The following MAGI1 variants were observed in gnomAD, a reference collection of about 807,000 sequenced individuals.
MAGI1 encodes membrane associated guanylate kinase, WW and PDZ domain containing 1, also known as membrane-associated guanylate kinase, WW and PDZ domain-containing protein 1.
A neutral mutation model predicts 139.9 loss-of-function variants in MAGI1; 58 were observed. The ratio of observed to expected loss-of-function variants is 0.41; its 90% confidence interval spans 0.34 to 0.52. The LOEUF (loss-of-function observed/expected upper bound fraction) is 0.52. Ranked by LOEUF, MAGI1 falls within the 20% of genes least tolerant of loss-of-function variation. The pLI, the probability that MAGI1 is intolerant of heterozygous loss-of-function variation, is 0.12. For synonymous variants in MAGI1, 812 were observed against 737.9 expected, an observed-to-expected ratio of 1.10 and a Z score of -1.63; for missense variants, 1,874 against 1,901.6, an observed-to-expected ratio of 0.99 and a Z score of 0.27.
intron 2 of MAGI1, among the ~76,000 whole-genome samples, chr3:65,604,340 T>C (rs58690207): frequency 0.26 from 39,929 of 152,050 alleles, 5,282 homozygotes; most frequent in South Asian, 0.31. Context: ...TGATGTTTAG[T>C]TATATATTGA....
At chr3:65,489,110 G>C (rs190225361) in intron 3 of MAGI1, among the ~76,000 whole-genome samples, 2 of 152,224 alleles carry the variant, frequency 1.3e-5, no homozygotes, top group East Asian at 3.9e-4. Flanking sequence ...TGGCATTTCT[G>C]GGCCTCATAC....
At chr3:65,409,947 A>C (rs1040910278) in intron 12 of MAGI1, among the ~76,000 whole-genome samples, 2 of 152,254 alleles carry the variant, frequency 1.3e-5, no homozygotes, top group Non-Finnish European at 2.9e-5. Flanking sequence ...TGCTTCAATT[A>C]CACAGTACAC....
intron 2 of MAGI1, among the ~76,000 whole-genome samples, chr3:65,581,883 T>C (rs2081440634): frequency 6.6e-6 from 1 of 152,142 alleles, no homozygotes; most frequent in African/African-American, 2.4e-5. Flanking sequence ...AACAACAATT[T>C]TCCTTCCAAT....
Position 65,379,346 on chromosome 3 carries a change from G to A in MAGI1, c.2910C>T (p.Asp970=), listed in dbSNP as rs752133128. 3.9e-5 allele frequency: 63 copies of A among 1,613,196 alleles called. No homozygotes were observed. The highest frequency in any genetic ancestry group is 4.7e-5 in the Non-Finnish European group (55 of 1,179,652). ...CGTTCTCCCCGCGCCGGATCTCCAC[G>A]TCGTAGGGCTGCACCACGGTGCTGA... ...GVVSTVVQPY[D]VEIRRGENEG... The change falls in exon 17 of 23, where the codon GAC becomes GAT. Residue 970 remains aspartate, a synonymous_variant. Transcript: ENST00000402939.
chr3:65,499,060 T>TAAAA, intron 2 of MAGI1: 16 of 859,578 alleles, frequency 1.9e-5, no homozygotes, highest in Non-Finnish European at 2.2e-5. Context: ...AAACCGCTCT[T>TAAAA]AAAAAAAAAA....
At chr3:65,365,260 GA>G (rs1412591716) in intron 18 of MAGI1, 6 of 534,264 alleles carry the variant, frequency 1.1e-5, no homozygotes, top group Admixed American at 2.1e-5. Flanking sequence ...CCCTGCCACT[GA>G]AAAAAGGCAG....
intron 2 of MAGI1, among the ~76,000 whole-genome samples, chr3:65,514,325 A>C (rs1332014902): frequency 1.0e-5 from 1 of 97,448 alleles, no homozygotes; most frequent in Non-Finnish European, 2.1e-5. Context: ...AATTAAACTA[A>C]AGAGCTTCTG....
intron 2 of MAGI1, among the ~76,000 whole-genome samples, chr3:65,555,081 A>G (rs781111054): frequency 1.4e-4 from 22 of 152,218 alleles, no homozygotes; most frequent in Non-Finnish European, 2.4e-4. Context: ...AGCTGAGAGG[A>G]GAATAAATGG....
chr3:66,038,502 C>T lies in MAGI1; in HGVS notation c.-194G>A. On this transcript the variant is annotated 5_prime_UTR_variant, in exon 1 of 23. Coordinates refer to ENST00000402939, the MANE Select transcript of MAGI1 (RefSeq NM_001033057.2). Reference sequence around the variant, plus strand: ...GCCATCATAAAACAAACTTTCTGGGCTTCCCCGCGAGCCCCGCACAGGCGC... The same window carrying T: ...GCCATCATAAAACAAACTTTCTGGGTTTCCCCGCGAGCCCCGCACAGGCGC... The T allele has an allele frequency of 1.3e-6, 1 of 780,902 alleles. No homozygotes were observed. Among genetic ancestry groups the T allele is most frequent in the South Asian group, 3.0e-5 (1 of 33,692 alleles). 48.4% of individuals were successfully genotyped at this position (780,902 alleles called of 1,614,324 possible). A position where few individuals can be genotyped will look rare whatever the true frequency, so the allele number is the denominator to read the frequency against.
At chr3:65,762,390 G>C (rs901681208) in intron 1 of MAGI1, among the ~76,000 whole-genome samples, 3 of 151,904 alleles carry the variant, frequency 2.0e-5, no homozygotes, top group African/African-American at 7.3e-5. Flanking sequence ...CCGAACACCA[G>C]CCTCTCCTAC....
intron 1 of MAGI1, among the ~76,000 whole-genome samples, chr3:65,931,752 C>G (rs1268948887): frequency 6.6e-6 from 1 of 152,198 alleles, no homozygotes; most frequent in African/African-American, 2.4e-5. Flanking sequence ...TTATTCCTCT[C>G]TGTGGCATAT....
At chr3:65,973,155 T>TAATAA (rs1425450388) in intron 1 of MAGI1, among the ~76,000 whole-genome samples, 4 of 151,748 alleles carry the variant, frequency 2.6e-5, no homozygotes, top group Non-Finnish European at 4.4e-5. Context: ...TCTCAAAAAA[T>TAATAA]AATAAAATAA....
intron 2 of MAGI1, among the ~76,000 whole-genome samples, chr3:65,539,326 T>C (rs7647761): frequency 0.78 from 118,557 of 151,878 alleles, 46,392 homozygotes; most frequent in East Asian, 0.9. Context: ...ACCAGAAACA[T>C]GTACCAACTA....
intron 21 of MAGI1, among the ~76,000 whole-genome samples, chr3:65,362,879 T>A (rs530301545): frequency 1.2e-4 from 19 of 152,352 alleles, no homozygotes; most frequent in African/African-American, 4.6e-4. Flanking sequence ...TAACAGATAT[T>A]AGCGAAACAG....
chr3:65,439,184 A>G (rs1409431044), intron 9 of MAGI1, among the ~76,000 whole-genome samples: 4 of 152,214 alleles, frequency 2.6e-5, no homozygotes, highest in Non-Finnish European at 4.4e-5. Flanking sequence ...ACCATTAAAA[A>G]GTATAAGCTA....
chr3:65,546,182 C>T (rs1307757441), intron 2 of MAGI1, among the ~76,000 whole-genome samples: 7 of 152,076 alleles, frequency 4.6e-5, no homozygotes, highest in Non-Finnish European at 1.0e-4. Flanking sequence ...TGCTTTGTCT[C>T]GTTGAACAAT....
At chr3:65,424,104 G>T (rs181919728) in intron 12 of MAGI1, among the ~76,000 whole-genome samples, 1 of 152,180 alleles carries the variant, frequency 6.6e-6, no homozygotes, top group East Asian at 1.9e-4. Flanking sequence ...TACCTTCTTG[G>T]GCATGTGTGT....
chr3:65,410,644 T>C (rs1272422498), intron 12 of MAGI1, among the ~76,000 whole-genome samples: 1 of 152,184 alleles, frequency 6.6e-6, no homozygotes, highest in East Asian at 1.9e-4. Flanking sequence ...GGCTCATAAC[T>C]GCGACATGCA....
At chr3:65,484,073 C>G (rs11717635) in intron 3 of MAGI1, among the ~76,000 whole-genome samples, 1 of 152,096 alleles carries the variant, frequency 6.6e-6, no homozygotes, top group Non-Finnish European at 1.5e-5. Flanking sequence ...GACTGAAACA[C>G]GATCTTCACA....
Sources: gnomAD v4.1 joint callset for allele counts (sites outside exome capture counted in the v4.1 genomes callset) on GRCh38, gnomAD v4.1.1 for gene constraint, MANE v1.5 for transcripts, NCBI Gene and HGNC (gene_info 2026-07-23, HGNC 2026-07-21) for gene names.